Variants in CCDC122 observed in about 807,000 individuals in gnomAD.
CCDC122 encodes coiled-coil domain containing 122.
Under a neutral mutation model 37.0 loss-of-function variants are expected in CCDC122, and 38 were observed. The ratio of observed to expected loss-of-function variants is 1.03; its 90% CI spans 0.79 to 1.35. The LOEUF (loss-of-function observed/expected upper bound fraction) is 1.35. Among genes scored for constraint, CCDC122 ranks in the 40% most tolerant of loss-of-function variants. CCDC122 has a pLI of 0.00. For synonymous variants in CCDC122, 83 were observed against 95.6 expected (o/e 0.87, Z 0.77); for missense variants, 305 against 310.0 (o/e 0.98, Z 0.12).
intron 6 of CCDC122, 35 bp from the exon 7 acceptor site, chr13:43,837,464 T>G (rs1267182114): frequency 1.9e-6 from 3 of 1,584,528 alleles, no homozygotes; most frequent in Non-Finnish European, 2.6e-6. Flanking sequence ...ACAGGGCTTG[T>G]GAAGTATAAA....
intron 4 of CCDC122, among the ~76,000 whole-genome samples, chr13:43,865,220 T>A (rs1245470495): frequency 6.6e-6 from 1 of 152,052 alleles, no homozygotes; most frequent in Non-Finnish European, 1.5e-5. Flanking sequence ...GCGGGGAAAG[T>A]ATGGGAGTAG....
At position 43,871,062 on chromosome 13, in the gene CCDC122, C is replaced by T. The variant is rs148665487; in HGVS notation, c.-113-1573G>A. Among the ~76,000 whole-genome samples the T allele has an allele frequency of 2.8e-4, 42 of 152,132 alleles. No homozygotes were observed. In the East Asian group the frequency reaches 8.1e-3, roughly 29 times the overall value. On this transcript the variant is annotated intron_variant, in intron 2 of 6. Coordinates refer to ENST00000444614, the MANE Select transcript of CCDC122 (RefSeq NM_144974.5). ...CCTCCTTACACGTGGGTTTCAAGTC[C>T]CGCGTATACTGTATATTTGATACTA...
chr13:43,849,012 T>C, intron 6 of CCDC122: 2 of 957,210 alleles, frequency 2.1e-6, no homozygotes, highest in Non-Finnish European at 2.5e-6. Flanking sequence ...ATGGAATAAA[T>C]AAAATTATTC....
chr13:43,831,838 C>T (rs548537300), downstream of CCDC122, among the ~76,000 whole-genome samples: 7 of 152,040 alleles, frequency 4.6e-5, no homozygotes, highest in East Asian at 1.9e-4. Flanking sequence ...TCTGTCTTCA[C>T]GGGATTATGT....
At chr13:43,833,233 G>GT (rs1027872247), downstream of CCDC122, among the ~76,000 whole-genome samples, 17 of 152,192 alleles carry the variant, frequency 1.1e-4, no homozygotes, top group South Asian at 1.5e-3. Flanking sequence ...TAACTGTGGG[G>GT]TTTTTTTCCC....
intron 6 of CCDC122, among the ~76,000 whole-genome samples, chr13:43,846,137 C>T (rs140194778): frequency 1.2e-4 from 18 of 151,988 alleles, no homozygotes; most frequent in Non-Finnish European, 1.8e-4. Context: ...TGCAACGGCA[C>T]GATCTCAGCT....
At chr13:43,877,791 T>G (rs898125272) in intron 1 of CCDC122, 1 of 152,210 alleles carries the variant, frequency 6.6e-6, no homozygotes. Context: ...TGCATCTAAC[T>G]CATACATAGA....
intron 6 of CCDC122, among the ~76,000 whole-genome samples, chr13:43,838,368 A>G (rs1250153521): frequency 6.6e-6 from 1 of 152,166 alleles, no homozygotes; most frequent in Non-Finnish European, 1.5e-5. Context: ...TTTCCCCGCT[A>G]TTAAATAAAC....
At chr13:43,859,021 AT>A in intron 5 of CCDC122, 124 bp from the exon 6 acceptor site, 1 of 713,398 alleles carries the variant, frequency 1.4e-6, no homozygotes, top group Non-Finnish European at 2.1e-6. Context: ...GATAAATAGC[AT>A]TAGAATATTA....
At chr13:43,869,905 T>C (rs919266478) in intron 2 of CCDC122, among the ~76,000 whole-genome samples, 2 of 152,076 alleles carry the variant, frequency 1.3e-5, no homozygotes, top group African/African-American at 2.4e-5. Context: ...CCAGGAAATA[T>C]AGCACTCCTG....
intron 2 of CCDC122, among the ~76,000 whole-genome samples, chr13:43,874,046 T>A (rs1954531470): frequency 6.6e-6 from 1 of 152,200 alleles, no homozygotes; most frequent in Non-Finnish European, 1.5e-5. Flanking sequence ...GGCATTTTCT[T>A]TAGGAGGTCT....
intron 4 of CCDC122, among the ~76,000 whole-genome samples, chr13:43,865,033 T>C (rs12869697): frequency 0.37 from 56,634 of 151,848 alleles, 12,686 homozygotes; most frequent in Non-Finnish European, 0.52. Flanking sequence ...GCTGGAAGAG[T>C]GGAGCGCCCA....
chr13:43,838,767 A>C (rs967360275), intron 6 of CCDC122, among the ~76,000 whole-genome samples: 1 of 152,296 alleles, frequency 6.6e-6, no homozygotes, highest in Non-Finnish European at 1.5e-5. Context: ...GTTTCTAGGA[A>C]AGGTGACAGG....
chr13:43,869,172 A>G (rs1420295428), intron 3 of CCDC122, among the ~76,000 whole-genome samples, 159 bp downstream of exon 3: 1 of 152,024 alleles, frequency 6.6e-6, no homozygotes, highest in Non-Finnish European at 1.5e-5. Context: ...TTTCAGGTTG[A>G]TATGCCTTTG....
chr13:43,842,292 T>C (rs761890541), intron 6 of CCDC122, among the ~76,000 whole-genome samples: 1 of 152,172 alleles, frequency 6.6e-6, no homozygotes, highest in African/African-American at 2.4e-5. Context: ...GTACCATTTG[T>C]TGATAAGACT....
At chr13:43,853,593 A>G (rs1953815528) in intron 6 of CCDC122, among the ~76,000 whole-genome samples, 1 of 152,194 alleles carries the variant, frequency 6.6e-6, no homozygotes, top group Admixed American at 6.5e-5. Context: ...AAGAGAGAAA[A>G]TTAATAAAGA....
At chr13:43,824,368 A>T (rs1953019971) in intron 3 of CCDC122, among the ~76,000 whole-genome samples, 1 of 152,238 alleles carries the variant, frequency 6.6e-6, no homozygotes, top group Admixed American at 6.5e-5. Flanking sequence ...TTGTGATAGA[A>T]ACGGAACTCC....
intron 5 of CCDC122, 108 bp downstream of exon 5, chr13:43,859,564 G>A (rs1562216): frequency 0.95 from 808,955 of 853,092 alleles, 385,535 homozygotes; most frequent in South Asian, 0.99. Flanking sequence ...AAGGTAATAG[G>A]ACAGCTATGG....
intron 3 of CCDC122, among the ~76,000 whole-genome samples, chr13:43,828,616 C>T (rs570908317): frequency 1.3e-5 from 2 of 150,372 alleles, no homozygotes; most frequent in East Asian, 4.0e-4. Context: ...TTCTTGTCAA[C>T]TAAATTGATC....
Sources: gnomAD v4.1 joint callset for allele counts (sites outside exome capture counted in the v4.1 genomes callset) on GRCh38, gnomAD v4.1.1 for gene constraint, MANE v1.5 for transcripts, NCBI Gene and HGNC (gene_info 2026-07-23, HGNC 2026-07-21) for gene names.